BICC1: variants seen among roughly 807,000 people sequenced by gnomAD.
BICC1 encodes BicC family RNA binding protein 1.
A neutral mutation model predicts 111.0 loss-of-function variants in BICC1; 43 were observed. That is an observed-to-expected ratio of 0.39 (90% CI 0.30 to 0.50). BICC1 has a LOEUF of 0.50. BICC1 is among the 20% of genes least tolerant of loss of function. BICC1 has a pLI of 0.88. For missense variants in BICC1, 1,091 were observed against 1,203.2 expected (o/e 0.91, Z 1.38); for synonymous variants, 467 against 434.4 (o/e 1.07, Z -0.93).
intron 3 of BICC1, among the ~76,000 whole-genome samples, chr10:58,753,679 CACACACACAG>C (rs930146319): frequency 6.6e-6 from 1 of 151,738 alleles, no homozygotes; most frequent in African/African-American, 2.4e-5. Flanking sequence ...AGTTGGAAAA[CACACACACAG>C]ACACACACAC....
chr10:58,525,835 A>G (rs1366123219), intron 1 of BICC1, among the ~76,000 whole-genome samples: 1 of 152,008 alleles, frequency 6.6e-6, no homozygotes, highest in Non-Finnish European at 1.5e-5. Context: ...AGTTGCTGGT[A>G]TAGTATTTAC....
intron 1 of BICC1, among the ~76,000 whole-genome samples, chr10:58,611,487 T>G (rs1352811925): frequency 6.6e-6 from 1 of 151,730 alleles, no homozygotes; most frequent in Non-Finnish European, 1.5e-5. Flanking sequence ...CTTCTTTTTT[T>G]TTTTTTGAGA....
rs917348284 is a variant in BICC1 at position 58,795,461 on chromosome 10, A to G, written c.1180-879A>G. Among the ~76,000 whole-genome samples the G allele has an allele frequency of 4.6e-5, 7 of 152,216 alleles. No individual in the cohort carries two copies. The East Asian group carries it at 7.7e-4, about 17-fold the overall frequency. On this transcript the variant is annotated intron_variant, in intron 9 of 20. Transcript: ENST00000373886. ...ACTAAAAGATAAAGACAGGAGAGAC[A>G]TTAGAGGGCTTGTGCATATTAAGAT...
chr10:58,780,892 TACG>T (rs1157749907), intron 3 of BICC1, among the ~76,000 whole-genome samples: 1 of 152,216 alleles, frequency 6.6e-6, no homozygotes, highest in Non-Finnish European at 1.5e-5. Flanking sequence ...CGGGTGTCCT[TACG>T]ACAATTGTTG....
intron 6 of BICC1, among the ~76,000 whole-genome samples, 157 bp from the exon 7 acceptor site, chr10:58,789,104 GA>G (rs369201209): frequency 2.7e-3 from 386 of 144,570 alleles, no homozygotes; most frequent in African/African-American, 6.1e-3. Context: ...AAACAGAAAG[GA>G]AAAAAAAAAA....
intron 1 of BICC1, among the ~76,000 whole-genome samples, chr10:58,562,557 A>G (rs1438250198): frequency 1.3e-5 from 2 of 151,946 alleles, no homozygotes; most frequent in African/African-American, 4.8e-5. Context: ...ATTCTCTTGT[A>G]TCTTGCTGAG....
intron 1 of BICC1, among the ~76,000 whole-genome samples, chr10:58,564,642 C>G (rs951135590): frequency 2.0e-4 from 31 of 152,196 alleles, no homozygotes; most frequent in African/African-American, 7.2e-4. Context: ...AGTGTACCAT[C>G]ATCCAGAGGA....
intron 3 of BICC1, among the ~76,000 whole-genome samples, chr10:58,753,571 C>A (rs1162235819): frequency 6.6e-6 from 1 of 152,132 alleles, no homozygotes; most frequent in African/African-American, 2.4e-5. Flanking sequence ...GTTTTCCCAG[C>A]ATCAGTTTCT....
At chr10:58,827,341 A>C (rs1564635292) in intron 20 of BICC1, among the ~76,000 whole-genome samples, 1 of 152,362 alleles carries the variant, frequency 6.6e-6, no homozygotes, top group African/African-American at 2.4e-5. Flanking sequence ...GAAACAATGA[A>C]TTCCTGCTGG....
intron 1 of BICC1, among the ~76,000 whole-genome samples, chr10:58,544,578 GGAAA>G (rs897175112): frequency 7.8e-4 from 118 of 152,048 alleles, no homozygotes; most frequent in African/African-American, 2.8e-3. Flanking sequence ...TATGTAGAAA[GGAAA>G]GAAATAGAAA....
intron 3 of BICC1, among the ~76,000 whole-genome samples, chr10:58,736,527 A>G (rs1841473887): frequency 6.6e-6 from 1 of 152,182 alleles, no homozygotes; most frequent in Non-Finnish European, 1.5e-5. Flanking sequence ...TCAGAGGTAA[A>G]AAGATTGGTC....
intron 3 of BICC1, among the ~76,000 whole-genome samples, chr10:58,718,504 A>C (rs1313784161): frequency 2.6e-5 from 4 of 152,104 alleles, no homozygotes; most frequent in Admixed American, 6.5e-5. Flanking sequence ...TTAGACTTTT[A>C]AATTGTTTTT....
chr10:58,823,322 C>A (rs1029011682), intron 20 of BICC1: 1 of 985,288 alleles, frequency 1.0e-6, no homozygotes, highest in South Asian at 4.7e-5. Context: ...TTTTCCCAAA[C>A]CATCCCGTAG....
chr10:58,633,794 T>C (rs960960492), intron 2 of BICC1, among the ~76,000 whole-genome samples: 3 of 151,916 alleles, frequency 2.0e-5, no homozygotes, highest in Non-Finnish European at 4.4e-5. Context: ...GAAAATTGGG[T>C]TCCATTTGTA....
intron 2 of BICC1, among the ~76,000 whole-genome samples, chr10:58,624,150 G>A (rs1413726745): frequency 6.6e-6 from 1 of 152,134 alleles, no homozygotes; most frequent in Admixed American, 6.5e-5. Context: ...GAAGCAACAC[G>A]TGGATCTCTG....
intron 2 of BICC1, among the ~76,000 whole-genome samples, chr10:58,674,140 G>C (rs1399593529): frequency 6.6e-6 from 1 of 152,152 alleles, no homozygotes; most frequent in African/African-American, 2.4e-5. Flanking sequence ...TGAATGTCTG[G>C]CTATTTTGTG....
chr10:58,603,956 G>GT (rs1271482809), intron 1 of BICC1, among the ~76,000 whole-genome samples: 1 of 152,192 alleles, frequency 6.6e-6, no homozygotes, highest in Non-Finnish European at 1.5e-5. Context: ...GGCCTGTGGA[G>GT]TTTTTCATAA....
intron 1 of BICC1, among the ~76,000 whole-genome samples, chr10:58,579,558 A>G (rs1194381455): frequency 1.3e-5 from 2 of 152,128 alleles, no homozygotes; most frequent in African/African-American, 2.4e-5. Context: ...TGATTTTACA[A>G]TCCATCCCCT....
chr10:58,619,978 A>T (rs918930428), intron 1 of BICC1, among the ~76,000 whole-genome samples: 7 of 152,126 alleles, frequency 4.6e-5, no homozygotes, highest in African/African-American at 1.4e-4. Context: ...AGTAGTTCTC[A>T]CTTCAGTACC....
Sources: gnomAD v4.1 joint callset for allele counts (sites outside exome capture counted in the v4.1 genomes callset) on GRCh38, gnomAD v4.1.1 for gene constraint, MANE v1.5 for transcripts, NCBI Gene and HGNC (gene_info 2026-07-23, HGNC 2026-07-21) for gene names.